The following SHISA9 variants were observed in gnomAD, a reference collection of about 807,000 sequenced individuals.
The protein encoded by SHISA9 is shisa family member 9.
SHISA9 carries 13 observed loss-of-function variants against 38.0 expected under a neutral mutation model. The ratio of observed to expected loss-of-function variants is 0.34; its 90% confidence interval spans 0.22 to 0.54. The LOEUF (loss-of-function observed/expected upper bound fraction) is 0.54. SHISA9 is among the 20% of genes least tolerant of loss of function. The probability of loss-of-function intolerance (pLI) is 0.91; values close to 1 mark genes in which losing one functional copy is unlikely to be tolerated. For synonymous variants in SHISA9, 275 were observed against 242.0 expected (o/e 1.14, Z -1.27); for missense variants, 538 against 575.8 (o/e 0.93, Z 0.67).
the SHISA9 span, among the ~76,000 whole-genome samples, chr16:13,470,794 T>G: frequency 6.6e-6 from 1 of 152,150 alleles, no homozygotes; most frequent in Non-Finnish European, 1.5e-5. Context: ...ACATTTATTT[T>G]ACTACACATT....
chr16:13,100,184 A>G (rs1428805091), intron 2 of SHISA9, among the ~76,000 whole-genome samples: 1 of 152,262 alleles, frequency 6.6e-6, no homozygotes, highest in Non-Finnish European at 1.5e-5. Flanking sequence ...TGCTGCATTG[A>G]TCTATGGATT....
the SHISA9 span, among the ~76,000 whole-genome samples, chr16:13,498,959 G>T: frequency 1.3e-5 from 2 of 152,112 alleles, no homozygotes; most frequent in African/African-American, 2.4e-5. Context: ...GAAAGAATCT[G>T]CCTTCTTGCT....
chr16:13,374,093 C>G, the SHISA9 span, among the ~76,000 whole-genome samples: 2 of 152,114 alleles, frequency 1.3e-5, no homozygotes, highest in East Asian at 3.9e-4. Context: ...GCAAGTAACT[C>G]TCATCACGTT....
At chr16:13,446,423 A>C in the SHISA9 span, among the ~76,000 whole-genome samples, 1 of 152,174 alleles carries the variant, frequency 6.6e-6, no homozygotes, top group Non-Finnish European at 1.5e-5. Context: ...CCCACAAGTC[A>C]CTTGTAGTCT....
Position 13,238,813 on chromosome 16 carries a change from T to TA in SHISA9, c.*3405dup, listed in dbSNP as rs2051409662. ...TTTTTTTTTTAATGTATCCATGGAG[T>TA]ATTTATTATTATTATTATTATTATT... On this transcript the variant is annotated 3_prime_UTR_variant, in exon 5 of 5. Transcript: ENST00000558583. 9.4e-6 allele frequency: 1 copy of TA among 106,564 alleles called. No homozygotes were observed. 6.6% of individuals were successfully genotyped at this position (106,564 alleles called of 1,614,324 possible). A position where few individuals can be genotyped will look rare whatever the true frequency, so the allele number is the denominator to read the frequency against.
intron 2 of SHISA9, among the ~76,000 whole-genome samples, chr16:13,004,905 C>A (rs34446483): frequency 0.35 from 49,935 of 143,232 alleles, 8,888 homozygotes; most frequent in African/African-American, 0.45. Context: ...ACACTCCAGC[C>A]TGGGTGACAA....
At chr16:13,229,460 C>T (rs934540304) in intron 4 of SHISA9, among the ~76,000 whole-genome samples, 1 of 152,108 alleles carries the variant, frequency 6.6e-6, no homozygotes, top group Non-Finnish European at 1.5e-5. Flanking sequence ...AAAAACACCC[C>T]TATGTGCTGG....
chr16:13,479,150 T>C, the SHISA9 span, among the ~76,000 whole-genome samples: 1 of 152,174 alleles, frequency 6.6e-6, no homozygotes, highest in Non-Finnish European at 1.5e-5. Context: ...GCACGGCGCC[T>C]ATCAGTTTCC....
chr16:13,553,771 C>T, the SHISA9 span, among the ~76,000 whole-genome samples: 2 of 152,204 alleles, frequency 1.3e-5, no homozygotes, highest in Non-Finnish European at 2.9e-5. Flanking sequence ...TGAATCACCA[C>T]CAAACTGTTC....
intron 2 of SHISA9, among the ~76,000 whole-genome samples, chr16:12,960,166 A>C (rs1392646697): frequency 6.6e-6 from 1 of 152,236 alleles, no homozygotes; most frequent in African/African-American, 2.4e-5. Context: ...TCTTGTGTAA[A>C]GGAATTATCT....
At chr16:13,396,011 T>C in the SHISA9 span, among the ~76,000 whole-genome samples, 1 of 152,332 alleles carries the variant, frequency 6.6e-6, no homozygotes, top group South Asian at 2.1e-4. Flanking sequence ...CCCTGAAATG[T>C]AACACTATGA....
intron 2 of SHISA9, among the ~76,000 whole-genome samples, chr16:13,126,245 C>G (rs2050255377): frequency 6.6e-6 from 1 of 152,166 alleles, no homozygotes; most frequent in South Asian, 2.1e-4. Context: ...CCTCCAATTC[C>G]TCTATCATAA....
the SHISA9 span, among the ~76,000 whole-genome samples, chr16:13,525,171 G>T: frequency 6.6e-6 from 1 of 152,172 alleles, no homozygotes; most frequent in East Asian, 1.9e-4. Flanking sequence ...TAAGTTTCAT[G>T]TGGTGCTGAT....
chr16:13,345,052 T>C, the SHISA9 span, among the ~76,000 whole-genome samples: 7 of 152,188 alleles, frequency 4.6e-5, no homozygotes, highest in East Asian at 1.3e-3. Context: ...AAATCTCTAC[T>C]GTGACTTGTT....
intron 2 of SHISA9, among the ~76,000 whole-genome samples, chr16:13,167,590 G>A (rs1428649405): frequency 6.6e-6 from 1 of 152,160 alleles, no homozygotes; most frequent in Non-Finnish European, 1.5e-5. Flanking sequence ...CATGCCTAAT[G>A]ATTTAGCACC....
At chr16:13,368,841 T>G in the SHISA9 span, among the ~76,000 whole-genome samples, 2 of 152,182 alleles carry the variant, frequency 1.3e-5, no homozygotes, top group African/African-American at 2.4e-5. Context: ...TTTACTAATA[T>G]GTAGCATATG....
intron 2 of SHISA9, among the ~76,000 whole-genome samples, chr16:13,132,578 G>A (rs2050315444): frequency 6.6e-6 from 1 of 152,112 alleles, no homozygotes; most frequent in Non-Finnish European, 1.5e-5. Context: ...ACCAAAATAT[G>A]TCCTGACATT....
At chr16:13,096,326 C>T (rs1044891017) in intron 2 of SHISA9, among the ~76,000 whole-genome samples, 15 of 152,240 alleles carry the variant, frequency 9.9e-5, no homozygotes, top group African/African-American at 3.1e-4. Context: ...CCAAGCCTTG[C>T]GACACAGAAT....
rs181374379 is a variant in SHISA9 at position 13,033,994 on chromosome 16, A to G, written c.691+117179A>G. Among the ~76,000 whole-genome samples the G allele has an allele frequency of 2.5e-3, 383 of 152,212 alleles. 6 individuals are homozygous for G. Among genetic ancestry groups the G allele is most frequent in the Non-Finnish European group, 3.2e-4 (22 of 68,018 alleles). On this transcript the variant is annotated intron_variant, in intron 2 of 4. Coordinates refer to ENST00000558583, the MANE Select transcript of SHISA9 (RefSeq NM_001145204.3). The stretch of plus-strand genomic sequence containing the variant: ...AACCCCATCTCTACTAAAAATATGA[A>G]GATTAGCCAGGTGTGGTGGCGCATG...
Sources: gnomAD v4.1 joint callset for allele counts (sites outside exome capture counted in the v4.1 genomes callset) on GRCh38, gnomAD v4.1.1 for gene constraint, MANE v1.5 for transcripts, NCBI Gene and HGNC (gene_info 2026-07-23, HGNC 2026-07-21) for gene names.